The following TOX3 variants were observed in gnomAD, a reference collection of about 807,000 sequenced individuals.
TOX3 encodes the protein CAG trinucleotide repeat-containing gene F9 protein.
A neutral mutation model predicts 64.3 loss-of-function variants in TOX3; 22 were observed. The observed-to-expected ratio is 0.34, with a 90% CI of 0.24 to 0.49. The LOEUF (loss-of-function observed/expected upper bound fraction) is 0.49. Among genes scored for constraint, TOX3 ranks in the 20% least tolerant of loss-of-function variants. TOX3 has a pLI of 0.99. For synonymous variants in TOX3, 291 were observed against 273.6 expected, an observed-to-expected ratio of 1.06 and a Z score of -0.63; for missense variants, 661 against 714.4, an observed-to-expected ratio of 0.93 and a Z score of 0.85.
chr16:52,536,309 A>AT (rs565033834), intron 1 of TOX3, among the ~76,000 whole-genome samples: 37 of 152,054 alleles, frequency 2.4e-4, no homozygotes, highest in South Asian at 6.3e-4. Context: ...AGAAATTGAG[A>AT]TTTTTTTAAT....
At chr16:52,487,595 T>C (rs1225411713) in intron 1 of TOX3, among the ~76,000 whole-genome samples, 4 of 152,214 alleles carry the variant, frequency 2.6e-5, no homozygotes. Context: ...TGACATCTAC[T>C]AAAAGAAACA....
intron 1 of TOX3, among the ~76,000 whole-genome samples, chr16:52,525,653 G>C (rs1390398149): frequency 1.3e-5 from 2 of 152,154 alleles, no homozygotes; most frequent in Non-Finnish European, 1.5e-5. Context: ...TTGAGTTCTA[G>C]AGAGTGCACA....
intron 1 of TOX3, among the ~76,000 whole-genome samples, chr16:52,519,973 AAAC>A (rs1370018348): frequency 0.011 from 908 of 84,370 alleles, 8 homozygotes; most frequent in African/African-American, 0.09. Flanking sequence ...TCTGTCTCAA[AAAC>A]AAAAAAAAAA....
At chr16:52,453,921 TTAC>T (rs1430644816) in intron 3 of TOX3, among the ~76,000 whole-genome samples, 1 of 152,238 alleles carries the variant, frequency 6.6e-6, no homozygotes, top group African/African-American at 2.4e-5. Context: ...TGTGTGTTTA[TTAC>T]TATGAGCCAG....
chr16:52,462,204 A>T (rs1960711932), intron 3 of TOX3, among the ~76,000 whole-genome samples: 1 of 152,152 alleles, frequency 6.6e-6, no homozygotes, highest in Non-Finnish European at 1.5e-5. Context: ...ACTTTTAAAA[A>T]TCAATGAAAT....
rs1310738945 is a variant in TOX3, at chr16:52,437,138, C to G, written c.*2087G>C. On this transcript the variant is annotated 3_prime_UTR_variant, in exon 7 of 7. Coordinates refer to ENST00000219746, the MANE Select transcript of TOX3 (RefSeq NM_001080430.4). ...AGGCTGTTTGAACACTGATACCTGT[C>G]AACTAATACATCTTATGAAAAGCTT... The G allele has an allele frequency of 1.3e-5, 2 of 152,184 alleles. No individual in the cohort carries two copies. Among genetic ancestry groups the G allele is most frequent in the African/African-American group, 2.4e-5 (1 of 41,444 alleles). 9.4% of individuals were successfully genotyped at this position (152,184 alleles called of 1,614,324 possible). A position where few individuals can be genotyped will look rare whatever the true frequency, so the allele number is the denominator to read the frequency against.
intron 1 of TOX3, among the ~76,000 whole-genome samples, chr16:52,469,663 TG>T (rs1567322286): frequency 6.6e-6 from 1 of 152,128 alleles, no homozygotes; most frequent in Admixed American, 6.5e-5. Flanking sequence ...GAGAGATGGA[TG>T]GATGGAGATA....
intron 2 of TOX3, among the ~76,000 whole-genome samples, chr16:52,467,307 G>C (rs890790387): frequency 1.3e-5 from 2 of 152,026 alleles, no homozygotes; most frequent in Non-Finnish European, 2.9e-5. Flanking sequence ...TACAGATGGG[G>C]TTTGTGTTCA....
intron 3 of TOX3, 67 bp downstream of exon 3, chr16:52,463,867 T>A: frequency 6.9e-7 from 1 of 1,459,388 alleles, no homozygotes; most frequent in African/African-American, 1.4e-5. Flanking sequence ...GAACATGGAC[T>A]CTCAGATCTT....
chr16:52,443,546 TA>T (rs1478338362), intron 6 of TOX3, among the ~76,000 whole-genome samples: 1 of 152,246 alleles, frequency 6.6e-6, no homozygotes, highest in Non-Finnish European at 1.5e-5. Flanking sequence ...AATGAAATTG[TA>T]TCCCTACTTG....
intron 1 of TOX3, among the ~76,000 whole-genome samples, chr16:52,513,321 T>C (rs16951223): frequency 0.013 from 1,996 of 152,310 alleles, 42 homozygotes; most frequent in African/African-American, 0.045. Context: ...ACTGGAGATG[T>C]ATGGTATATT....
intron 3 of TOX3, among the ~76,000 whole-genome samples, chr16:52,456,941 C>A (rs544692833): frequency 1.3e-5 from 2 of 152,200 alleles, no homozygotes; most frequent in African/African-American, 4.8e-5. Context: ...TGGACTTAAT[C>A]AAGATTAAAA....
rs867104059 is a variant in TOX3, at chr16:52,537,897, A to G, written c.87+8740T>C. ...ATATGATAAAAAAAAAAAAAAAAAA[A>G]AAAGAAAGAAAAAGAAAAAAACAGA... is the stretch of plus-strand genomic sequence containing the variant. On this transcript the variant is annotated intron_variant, in intron 1 of 6. Transcript: ENST00000219746. Among the ~76,000 whole-genome samples the G allele has an allele frequency of 2.1e-3, 292 of 136,106 alleles. 1 individual carries two copies. The highest frequency in any genetic ancestry group is 0.018 in the Middle Eastern group (5 of 272). The allele number at this position is 136,106 out of a possible 152,430, so 89.3% of individuals were successfully genotyped here.
intron 1 of TOX3, among the ~76,000 whole-genome samples, chr16:52,484,845 G>T (rs1961466049): frequency 6.6e-6 from 1 of 151,936 alleles, no homozygotes; most frequent in African/African-American, 2.4e-5. Flanking sequence ...GTTTCTCAAA[G>T]AACTAAAAAT....
rs1026443589 is a variant in TOX3, at chr16:52,436,624, A to T, written c.*2601T>A. ...TGATTCAAGCCTTTTGACATTTTAA[A>T]TATGTAGTTTTGCCTGGTGATTAAT... On this transcript the variant is annotated 3_prime_UTR_variant, in exon 7 of 7. Coordinates refer to ENST00000219746, the MANE Select transcript of TOX3 (RefSeq NM_001080430.4). 2.6e-5 allele frequency: 4 copies of T among 152,422 alleles called. No homozygotes were observed. Among genetic ancestry groups the T allele is most frequent in the African/African-American group, 4.8e-5 (2 of 41,452 alleles). The allele number at this position is 152,422 out of a possible 1,614,324, so 9.4% of individuals were successfully genotyped here.
chr16:52,512,008 C>T (rs906723149), intron 1 of TOX3, among the ~76,000 whole-genome samples: 3 of 152,156 alleles, frequency 2.0e-5, no homozygotes, highest in Non-Finnish European at 4.4e-5. Flanking sequence ...ACCACGTTGC[C>T]TATTCCTCAA....
chr16:52,466,379 A>G (rs537422658), intron 2 of TOX3, among the ~76,000 whole-genome samples: 2 of 152,156 alleles, frequency 1.3e-5, no homozygotes. Context: ...ATGTGAAGGG[A>G]ATTGGTTTCA....
chr16:52,492,823 T>C (rs936006002), intron 1 of TOX3, among the ~76,000 whole-genome samples: 4 of 151,146 alleles, frequency 2.6e-5, no homozygotes, highest in African/African-American at 7.3e-5. Flanking sequence ...TTCCTTTTTT[T>C]CCTCACCAGT....
chr16:52,463,093 G>C (rs1489716957), intron 3 of TOX3, among the ~76,000 whole-genome samples: 2 of 152,086 alleles, frequency 1.3e-5, no homozygotes, highest in Non-Finnish European at 2.9e-5. Context: ...AAACAAGCAA[G>C]AGGATTTGTT....
Sources: gnomAD v4.1 joint callset for allele counts (sites outside exome capture counted in the v4.1 genomes callset) on GRCh38, gnomAD v4.1.1 for gene constraint, MANE v1.5 for transcripts, NCBI Gene and HGNC (gene_info 2026-07-23, HGNC 2026-07-21) for gene names.